The following HSD17B4 variants were observed in gnomAD, a reference collection of about 807,000 sequenced individuals.
The protein encoded by HSD17B4 is peroxisomal multifunctional enzyme type 2.
A neutral mutation model predicts 101.0 loss-of-function variants in HSD17B4; 70 were observed. The ratio of observed to expected loss-of-function variants is 0.69; its 90% CI spans 0.57 to 0.85. The LOEUF is 0.85. Among genes scored for constraint, HSD17B4 ranks in the 40% least tolerant of loss-of-function variants. HSD17B4 has a pLI of 0.00. For synonymous variants in HSD17B4, 347 were observed against 297.1 expected, an observed-to-expected ratio of 1.17 and a Z score of -1.73; for missense variants, 984 against 892.4, an observed-to-expected ratio of 1.10 and a Z score of -1.31.
intron 14 of HSD17B4, among the ~76,000 whole-genome samples, chr5:119,503,459 T>A (rs142854499): frequency 1.3e-5 from 2 of 152,328 alleles, no homozygotes; most frequent in East Asian, 3.9e-4. Context: ...TAAAATTTAC[T>A]GTGTAGTAAA....
At chr5:119,528,062 A>G (rs1041376027) in intron 20 of HSD17B4, among the ~76,000 whole-genome samples, 4 of 152,164 alleles carry the variant, frequency 2.6e-5, no homozygotes, top group Admixed American at 2.6e-4. Context: ...CAATGATAAT[A>G]GGAACAGCTT....
intron 8 of HSD17B4, among the ~76,000 whole-genome samples, chr5:119,488,326 A>G (rs1236461891): frequency 1.3e-5 from 2 of 152,144 alleles, no homozygotes; most frequent in East Asian, 1.9e-4. Flanking sequence ...TGCTTCACCA[A>G]GGTACTCACA....
chr5:119,479,026 G>A lies in HSD17B4; in HGVS notation c.622+5G>A, dbSNP rs536487449. On this transcript the variant is annotated splice_donor_5th_base_variant and intron_variant, in intron 8 of 23. Coordinates refer to ENST00000510025, the MANE Select transcript of HSD17B4 (RefSeq NM_000414.4). ...CTCAGACAGTTATGCCTGAAGGTAA[G>A]TAAGCAAGCTTATATTTTTCAGTGC... 3.5e-5 allele frequency: 56 copies of A among 1,608,818 alleles called. No individual in the cohort carries two copies. In the Middle Eastern group the frequency reaches 5.0e-4, roughly 14 times the overall value.
chr5:119,520,095 T>G (rs1313793565), intron 17 of HSD17B4, among the ~76,000 whole-genome samples: 1 of 151,970 alleles, frequency 6.6e-6, no homozygotes, highest in Non-Finnish European at 1.5e-5. Context: ...TCACTGGGAA[T>G]CAAAAATAAA....
intron 21 of HSD17B4, among the ~76,000 whole-genome samples, chr5:119,530,914 C>G (rs1180298273): frequency 7.0e-6 from 1 of 142,578 alleles, no homozygotes; most frequent in Non-Finnish European, 1.5e-5. Flanking sequence ...TAAAGAAATT[C>G]AGACTTCATG....
At chr5:119,470,340 G>A (rs550021534) in intron 2 of HSD17B4, among the ~76,000 whole-genome samples, 1 of 152,122 alleles carries the variant, frequency 6.6e-6, no homozygotes, top group Non-Finnish European at 1.5e-5. Context: ...GGATGTGGAG[G>A]TGTCTGGGCT....
intron 10 of HSD17B4, 129 bp from the exon 11 acceptor site, chr5:119,493,689 A>G (rs1163086908): frequency 1.2e-6 from 1 of 819,430 alleles, no homozygotes; most frequent in Non-Finnish European, 2.0e-6. Context: ...TTATGGTAAA[A>G]CTCTTTAGGA....
intron 1 of HSD17B4, among the ~76,000 whole-genome samples, chr5:119,453,690 A>T (rs1754308457): frequency 6.6e-6 from 1 of 152,224 alleles, no homozygotes; most frequent in African/African-American, 2.4e-5. Context: ...GTGGCTTCTT[A>T]TGCTGCCTTT....
rs991220272 is a variant in HSD17B4, at chr5:119,477,316, T to A, written c.350-101T>A. Reference sequence around the variant, plus strand: ...AGTAGGCAATTTTATACATTAGGTATAAAATGAACATCTTTGTATAAATAC... The same window carrying A: ...AGTAGGCAATTTTATACATTAGGTAAAAAATGAACATCTTTGTATAAATAC... On this transcript the variant is annotated intron_variant, in intron 6 of 23. Transcript: ENST00000510025. 17 of 838,722 alleles carry A rather than the reference T, an allele frequency of 2.0e-5. No individual in the cohort carries two copies. The East Asian group carries it at 2.5e-4, about 12-fold the overall frequency. The allele number at this position is 838,722 out of a possible 1,614,324, so 52.0% of individuals were successfully genotyped here.
chr5:119,472,980 C>T (rs1249921035), intron 2 of HSD17B4, among the ~76,000 whole-genome samples: 1 of 152,098 alleles, frequency 6.6e-6, no homozygotes, highest in Non-Finnish European at 1.5e-5. Flanking sequence ...TGCAGAATTA[C>T]GTTTCATTGC....
intron 1 of HSD17B4, among the ~76,000 whole-genome samples, chr5:119,455,583 T>TATATATAA (rs977188974): frequency 1.7e-4 from 26 of 150,596 alleles, no homozygotes; most frequent in African/African-American, 6.3e-4. Flanking sequence ...TATATATATA[T>TATATATAA]AATTTCTTTT....
At chr5:119,497,154 A>G (rs565758994) in intron 12 of HSD17B4, among the ~76,000 whole-genome samples, 1 of 152,180 alleles carries the variant, frequency 6.6e-6, no homozygotes, top group South Asian at 2.1e-4. Context: ...AAAGCTTATC[A>G]TGAACTTTTT....
intron 1 of HSD17B4, among the ~76,000 whole-genome samples, chr5:119,455,979 A>G (rs775217826): frequency 6.6e-6 from 1 of 152,192 alleles, no homozygotes; most frequent in Non-Finnish European, 1.5e-5. Context: ...AACAACAGCC[A>G]GAACTCCCAG....
At chr5:119,463,951 G>A (rs1245300320) in intron 2 of HSD17B4, among the ~76,000 whole-genome samples, 2 of 151,952 alleles carry the variant, frequency 1.3e-5, no homozygotes, top group South Asian at 2.1e-4. Context: ...GATTACAGGC[G>A]TGAGCCACTG....
chr5:119,455,524 A>C (rs916627805), intron 1 of HSD17B4, among the ~76,000 whole-genome samples: 2 of 150,164 alleles, frequency 1.3e-5, no homozygotes, highest in Non-Finnish European at 3.0e-5. Flanking sequence ...CTCAAAAAAA[A>C]AGAAAAAAAG....
intron 20 of HSD17B4, among the ~76,000 whole-genome samples, chr5:119,527,772 A>T (rs566437109): frequency 1.3e-5 from 2 of 152,274 alleles, no homozygotes; most frequent in East Asian, 3.8e-4. Flanking sequence ...ATAAAATCTT[A>T]TCCTTTATGA....
At chr5:119,456,694 C>T (rs1202531154) in intron 2 of HSD17B4, 3 of 377,294 alleles carry the variant, frequency 8.0e-6, no homozygotes, top group Admixed American at 4.2e-5. Context: ...CTGCAGAGAA[C>T]TATGATTATA....
intron 15 of HSD17B4, 69 bp downstream of exon 15, chr5:119,506,958 A>T: frequency 1.3e-6 from 1 of 781,048 alleles, no homozygotes; most frequent in Non-Finnish European, 2.2e-6. Flanking sequence ...ATAATACTTC[A>T]CCATAGAAGT....
At chr5:119,488,252 G>A (rs1749783894) in intron 8 of HSD17B4, among the ~76,000 whole-genome samples, 1 of 152,104 alleles carries the variant, frequency 6.6e-6, no homozygotes, top group South Asian at 2.1e-4. Flanking sequence ...AGGTTCCTAA[G>A]TTGCTTGCAT....
Sources: allele counts gnomAD v4.1 joint callset (sites outside exome capture counted in the v4.1 genomes callset), GRCh38; gene constraint gnomAD v4.1.1; transcripts MANE v1.5; gene names NCBI Gene and HGNC (gene_info 2026-07-23, HGNC 2026-07-21).